Variants in MALRD1 observed in about 807,000 individuals in gnomAD.
MALRD1 encodes the protein MAM and LDL-receptor class A domain-containing protein 1.
A neutral mutation model predicts 242.1 loss-of-function variants in MALRD1; 247 were observed. The observed-to-expected ratio is 1.02, with a 90% CI of 0.92 to 1.13. The LOEUF (loss-of-function observed/expected upper bound fraction) is 1.13. Among genes scored for constraint, MALRD1 ranks in the 50% most tolerant of loss-of-function variants. The probability of loss-of-function intolerance (pLI) is 0.00; values close to 1 mark genes in which losing one functional copy is unlikely to be tolerated. For missense variants in MALRD1, 2,989 were observed against 2,533.1 expected (o/e 1.18, Z -3.86); for synonymous variants, 995 against 866.6 (o/e 1.15, Z -2.60).
intron 14 of MALRD1, among the ~76,000 whole-genome samples, chr10:19,180,852 A>G (rs1835472734): frequency 1.3e-5 from 2 of 152,222 alleles, no homozygotes; most frequent in African/African-American, 2.4e-5. Flanking sequence ...ATTTATGAAG[A>G]TTTTATACAA....
intron 36 of MALRD1, among the ~76,000 whole-genome samples, chr10:19,638,537 C>T (rs1239906011): frequency 6.6e-6 from 1 of 152,120 alleles, no homozygotes; most frequent in Admixed American, 6.5e-5. Flanking sequence ...CCTTCTTAAT[C>T]ACTTGGAAAA....
chr10:19,047,236 G>T (rs530645391), upstream of MALRD1, among the ~76,000 whole-genome samples: 1 of 152,102 alleles, frequency 6.6e-6, no homozygotes, highest in South Asian at 2.1e-4. Flanking sequence ...TCCTTACTTG[G>T]GTAATTGGAC....
intron 1 of MALRD1, among the ~76,000 whole-genome samples, chr10:19,051,150 C>G (rs1267845793): frequency 1.3e-5 from 2 of 152,102 alleles, no homozygotes; most frequent in Admixed American, 6.6e-5. Context: ...GCATGAATTT[C>G]TTTTGTATAT....
chr10:19,157,781 A>G (rs1275769258), intron 12 of MALRD1, among the ~76,000 whole-genome samples: 2 of 152,016 alleles, frequency 1.3e-5, no homozygotes, highest in East Asian at 3.9e-4. Context: ...TTTTTTTCCT[A>G]CATAATCCTA....
At chr10:19,134,352 C>T (rs1833244144) in intron 9 of MALRD1, among the ~76,000 whole-genome samples, 1 of 152,178 alleles carries the variant, frequency 6.6e-6, no homozygotes, top group Non-Finnish European at 1.5e-5. Flanking sequence ...TCTATGTACA[C>T]CAAGAAACAT....
intron 29 of MALRD1, among the ~76,000 whole-genome samples, chr10:19,480,816 C>A (rs1359514809): frequency 1.3e-5 from 2 of 152,056 alleles, no homozygotes; most frequent in Non-Finnish European, 2.9e-5. Flanking sequence ...TCTTTCTAGG[C>A]CTTCTAAACA....
At chr10:19,183,551 T>C (rs1835613230) in intron 14 of MALRD1, among the ~76,000 whole-genome samples, 1 of 152,222 alleles carries the variant, frequency 6.6e-6, no homozygotes, top group Non-Finnish European at 1.5e-5. Flanking sequence ...TTTATTTTAA[T>C]TTTTCTCACT....
At chr10:19,731,816 A>G (rs149179464) in intron 39 of MALRD1, among the ~76,000 whole-genome samples, 1 of 152,340 alleles carries the variant, frequency 6.6e-6, no homozygotes, top group Non-Finnish European at 1.5e-5. Context: ...AATGAGTATT[A>G]TAGAAAGCTA....
At chr10:19,531,802 T>TAGTTTAA (rs1360515617) in intron 32 of MALRD1, among the ~76,000 whole-genome samples, 1 of 152,204 alleles carries the variant, frequency 6.6e-6, no homozygotes, top group Non-Finnish European at 1.5e-5. Context: ...TATTTTTAAC[T>TAGTTTAA]AGTTTAAAGC....
chr10:19,260,723 G>T (rs1019340723), intron 19 of MALRD1, among the ~76,000 whole-genome samples: 4 of 152,174 alleles, frequency 2.6e-5, no homozygotes, highest in Admixed American at 2.0e-4. Flanking sequence ...GATGTTGTAT[G>T]TGGGGCAGGA....
At chr10:19,676,330 G>A (rs1474633278) in intron 36 of MALRD1, among the ~76,000 whole-genome samples, 2 of 152,282 alleles carry the variant, frequency 1.3e-5, no homozygotes, top group African/African-American at 2.4e-5. Context: ...AGTGATGAGG[G>A]CCTTTGCCAC....
intron 19 of MALRD1, among the ~76,000 whole-genome samples, chr10:19,266,609 T>C (rs753924226): frequency 1.3e-5 from 2 of 151,910 alleles, no homozygotes; most frequent in East Asian, 1.9e-4. Context: ...AGTACTGTAA[T>C]GATAATATGT....
chr10:19,334,340 A>G (rs1843515340), intron 24 of MALRD1, among the ~76,000 whole-genome samples: 1 of 151,498 alleles, frequency 6.6e-6, no homozygotes, highest in African/African-American at 2.4e-5. Flanking sequence ...ATATTTGTGT[A>G]TGATAAAAGG....
intron 4 of MALRD1, among the ~76,000 whole-genome samples, chr10:19,095,255 CA>C (rs2131312827): frequency 6.6e-6 from 1 of 152,246 alleles, no homozygotes; most frequent in South Asian, 2.1e-4. Flanking sequence ...ATAGGAATGG[CA>C]TAGTTTCTTA....
chr10:19,342,125 G>T (rs78738738), intron 24 of MALRD1, among the ~76,000 whole-genome samples: 1,533 of 152,162 alleles, frequency 0.01, 21 homozygotes, highest in African/African-American at 0.027. Context: ...ATTATAGTAA[G>T]GTCGACGTTC....
intron 28 of MALRD1, among the ~76,000 whole-genome samples, chr10:19,411,320 TAGC>T (rs958844817): frequency 3.9e-5 from 6 of 152,090 alleles, no homozygotes; most frequent in African/African-American, 1.4e-4. Flanking sequence ...AAACTACCAC[TAGC>T]AGCAGCAGCA....
At chr10:19,611,816 A>G (rs534417210) in intron 35 of MALRD1, among the ~76,000 whole-genome samples, 7 of 152,186 alleles carry the variant, frequency 4.6e-5, no homozygotes, top group Admixed American at 2.6e-4. Context: ...GGTCTAAAGT[A>G]GAAACTTATA....
At chr10:19,591,704 A>G (rs12772544) in intron 33 of MALRD1, among the ~76,000 whole-genome samples, 77,177 of 151,756 alleles carry the variant, frequency 0.51, 19,709 homozygotes, top group Non-Finnish European at 0.53. Flanking sequence ...CACCGTGTTG[A>G]CCAGGCTGGT....
At chr10:19,113,792 T>TACACACACACACACACACACACAC (rs753384799) in intron 5 of MALRD1, among the ~76,000 whole-genome samples, 15 of 134,486 alleles carry the variant, frequency 1.1e-4, no homozygotes, top group African/African-American at 3.7e-4. Context: ...TACCACCCCC[T>TACACACACACACACACACACACAC]ACACACACAC....
Sources: allele counts gnomAD v4.1 joint callset (sites outside exome capture counted in the v4.1 genomes callset), GRCh38; gene constraint gnomAD v4.1.1; transcripts MANE v1.5; gene names NCBI Gene and HGNC (gene_info 2026-07-23, HGNC 2026-07-21).